The following HS6ST2 variants were observed in gnomAD, a reference collection of about 807,000 sequenced individuals.
HS6ST2 encodes the protein heparan sulfate 6-O-sulfotransferase 2.
In HS6ST2, 17 loss-of-function variants were observed where a neutral mutation model predicts 33.0. The ratio of observed to expected loss-of-function variants is 0.52; its 90% CI spans 0.35 to 0.77. HS6ST2 has a LOEUF of 0.77. Among genes scored for constraint, HS6ST2 ranks in the 30% least tolerant of loss-of-function variants. The pLI is 0.01. For missense variants in HS6ST2, 519 were observed against 551.7 expected (o/e 0.94, Z 0.59); for synonymous variants, 248 against 237.1 (o/e 1.05, Z -0.42).
At chrX:132,666,527 C>A (rs1008992887) in intron 4 of HS6ST2, among the ~76,000 whole-genome samples, 16 of 111,594 alleles carry the variant, frequency 1.4e-4, no homozygotes, top group African/African-American at 4.6e-4. Flanking sequence ...TCAATTTCCT[C>A]ATGTGTGCAA....
chrX:132,823,853 A>AAAAAAAAAT (rs774177926), intron 2 of HS6ST2, among the ~76,000 whole-genome samples: 64 of 92,512 alleles, frequency 6.9e-4, no homozygotes, highest in African/African-American at 2.4e-3. Flanking sequence ...ACTTCATAAA[A>AAAAAAAAAT]AATAATAATA....
In HS6ST2 at chrX:132,640,360, G is replaced by T. The variant is rs186970835; in HGVS notation, c.1068-11267C>A. Among the ~76,000 whole-genome samples the T allele has an allele frequency of 1.8e-4, 20 of 111,202 alleles. No individual in the cohort carries two copies. In the Admixed American group the frequency reaches 1.9e-3, roughly 11 times the overall value. ...ATGATGGATTCTGAAGGACAAAAAGGATTTGACTAGGTGCGTGTATGGTGG... is the reference window on the plus strand; with the variant it reads ...ATGATGGATTCTGAAGGACAAAAAGTATTTGACTAGGTGCGTGTATGGTGG... On this transcript the variant is annotated intron_variant, in intron 4 of 4. Coordinates refer to ENST00000370833, the MANE Select transcript of HS6ST2 (RefSeq NM_001394073.1).
At chrX:132,717,242 G>C (rs745525827) in intron 2 of HS6ST2, among the ~76,000 whole-genome samples, 9 of 112,983 alleles carry the variant, frequency 8.0e-5, no homozygotes, top group Non-Finnish European at 1.3e-4. Flanking sequence ...GATTTGGTCT[G>C]AAACTTCCTT....
intron 2 of HS6ST2, among the ~76,000 whole-genome samples, chrX:132,883,053 T>A (rs1157958052): frequency 5.8e-5 from 6 of 103,882 alleles, no homozygotes; most frequent in African/African-American, 1.8e-4. Context: ...GATTTTTGCA[T>A]CAATGTTCAT....
chrX:132,634,365 C>A (rs1422608686), intron 4 of HS6ST2, among the ~76,000 whole-genome samples: 1 of 112,179 alleles, frequency 8.9e-6, no homozygotes, highest in Non-Finnish European at 1.9e-5. Context: ...CATACGCCAC[C>A]TGTTTCACTT....
intron 2 of HS6ST2, among the ~76,000 whole-genome samples, chrX:132,895,078 C>A (rs1163446975): frequency 1.8e-5 from 2 of 112,120 alleles, no homozygotes; most frequent in Non-Finnish European, 3.8e-5. Flanking sequence ...AGTTCAAATT[C>A]TATCACTGAT....
intron 2 of HS6ST2, among the ~76,000 whole-genome samples, chrX:132,726,815 T>C: frequency 8.9e-6 from 1 of 112,081 alleles, no homozygotes; most frequent in South Asian, 3.8e-4. Context: ...TCAAGGTTCA[T>C]CCATATTGTA....
intron 2 of HS6ST2, among the ~76,000 whole-genome samples, chrX:132,811,685 A>ATAT (rs2065345840): frequency 6.0e-4 from 18 of 29,807 alleles, no homozygotes; most frequent in Admixed American, 1.1e-3. Flanking sequence ...AAGGCTGAAT[A>ATAT]ATATATATAT....
At chrX:132,667,255 C>T (rs1474560630) in intron 4 of HS6ST2, among the ~76,000 whole-genome samples, 2 of 111,501 alleles carry the variant, frequency 1.8e-5, no homozygotes, top group Admixed American at 9.5e-5. Flanking sequence ...AAGAGGATGT[C>T]GGAGAACTTG....
Position 132,822,044 on chromosome X carries a change from T to G in HS6ST2, c.948-113550A>C, listed in dbSNP as rs2065465471. Among the ~76,000 whole-genome samples the G allele has an allele frequency of 2.7e-5, 3 of 111,816 alleles. No individual in the cohort carries two copies. The South Asian group carries it at 1.1e-3, about 42-fold the overall frequency. On this transcript the variant is annotated intron_variant, in intron 2 of 4. Coordinates refer to ENST00000370833, the MANE Select transcript of HS6ST2 (RefSeq NM_001394073.1). The stretch of plus-strand genomic sequence containing the variant: ...TATGTGCCAAGCAATGTTCCAGCAC[T>G]TGACAATACAAACTCATTTAATCTT...
At chrX:132,809,320 G>A (rs1213785161) in intron 2 of HS6ST2, among the ~76,000 whole-genome samples, 1 of 112,271 alleles carries the variant, frequency 8.9e-6, no homozygotes, top group African/African-American at 3.2e-5. Context: ...AGCCCTGTAG[G>A]TGATTCTGAT....
intron 2 of HS6ST2, among the ~76,000 whole-genome samples, chrX:132,892,768 G>A (rs1213338866): frequency 1.8e-5 from 2 of 111,664 alleles, no homozygotes; most frequent in Non-Finnish European, 3.8e-5. Flanking sequence ...GCAGTGAGCC[G>A]AGATTGTGCC....
At chrX:132,665,445 T>A (rs1218650736) in intron 4 of HS6ST2, among the ~76,000 whole-genome samples, 1 of 111,804 alleles carries the variant, frequency 8.9e-6, no homozygotes, top group Admixed American at 9.5e-5. Context: ...TCAGTGTCCT[T>A]GTGTTCAGCA....
At chrX:132,647,571 G>A (rs1266963079) in intron 4 of HS6ST2, among the ~76,000 whole-genome samples, 1 of 112,162 alleles carries the variant, frequency 8.9e-6, no homozygotes, top group Non-Finnish European at 1.9e-5. Context: ...CTCCTAGGCA[G>A]GCATGGTCTT....
At chrX:132,757,966 C>G (rs144084446) in intron 2 of HS6ST2, among the ~76,000 whole-genome samples, 2,437 of 111,663 alleles carry the variant, frequency 0.022, 47 homozygotes, top group East Asian at 0.13. Context: ...AATCTCCTAC[C>G]GAGTGAATAG....
At chrX:132,928,740 C>G (rs1270565636) in intron 2 of HS6ST2, among the ~76,000 whole-genome samples, 1 of 111,283 alleles carries the variant, frequency 9.0e-6, no homozygotes, top group Admixed American at 9.6e-5. Flanking sequence ...TCTCAGTAGT[C>G]TATGAACTCT....
rs187990692 is a variant in HS6ST2, at chrX:132,777,993, C to T, written c.948-69499G>A. On this transcript the variant is annotated intron_variant, in intron 2 of 4. Transcript: ENST00000370833. ...CATTCAGCAGACTTTGAATGAATTC[C>T]GATTATGCAGCAGACACCGGGCTAT... is the stretch of plus-strand genomic sequence containing the variant. Among the ~76,000 whole-genome samples, 11 of 111,723 alleles carry T rather than the reference C, an allele frequency of 9.8e-5. No individual in the cohort carries two copies. In the South Asian group the frequency reaches 1.5e-3, roughly 15 times the overall value.
intron 2 of HS6ST2, among the ~76,000 whole-genome samples, chrX:132,900,576 T>C (rs982483625): frequency 1.8e-5 from 2 of 111,001 alleles, no homozygotes; most frequent in African/African-American, 6.5e-5. Context: ...TAAATAATAC[T>C]ATATTGTACT....
intron 2 of HS6ST2, among the ~76,000 whole-genome samples, chrX:132,805,376 G>A (rs1266904599): frequency 9.0e-6 from 1 of 111,276 alleles, no homozygotes; most frequent in Non-Finnish European, 1.9e-5. Context: ...GAAGTCTCGG[G>A]TCTGAGAGAT....
Sources: allele counts gnomAD v4.1 joint callset (sites outside exome capture counted in the v4.1 genomes callset), GRCh38; gene constraint gnomAD v4.1.1; transcripts MANE v1.5; gene names NCBI Gene and HGNC (gene_info 2026-07-23, HGNC 2026-07-21).